Variants in ESS2 observed in about 807,000 individuals in gnomAD.
ESS2 encodes splicing factor ESS-2 homolog.
Under a neutral mutation model 52.0 loss-of-function variants are expected in ESS2, and 31 were observed. The observed-to-expected ratio is 0.60, with a 90% confidence interval of 0.45 to 0.81. The LOEUF (loss-of-function observed/expected upper bound fraction) is 0.81. Among genes scored for constraint, ESS2 ranks in the 30% least tolerant of loss-of-function variants. ESS2 has a pLI of 0.00. For missense variants in ESS2, 602 were observed against 637.2 expected, an observed-to-expected ratio of 0.94 and a Z score of 0.59; for synonymous variants, 285 against 259.2, an observed-to-expected ratio of 1.10 and a Z score of -0.95.
Position 19,144,642 on chromosome 22 carries a change from G to A in ESS2, c.-2C>T. ...CGCTGATGCGCCCGGCGTCTCCATC[G>A]CTATCCCAGGAAAAAGCTCGGGCCC... is the stretch of plus-strand genomic sequence containing the variant. On this transcript the variant is annotated 5_prime_UTR_variant, in exon 1 of 10. Coordinates refer to ENST00000252137, the MANE Select transcript of ESS2 (RefSeq NM_022719.3). 2 of 1,506,722 alleles carry A rather than the reference G, an allele frequency of 1.3e-6. No homozygotes were observed. The highest frequency in any genetic ancestry group is 1.2e-5 in the South Asian group (1 of 80,800). 93.3% of individuals were successfully genotyped at this position (1,506,722 alleles called of 1,614,324 possible).
At chr22:19,136,783 AC>A (rs775498242) in intron 8 of ESS2, among the ~76,000 whole-genome samples, 4 of 152,116 alleles carry the variant, frequency 2.6e-5, no homozygotes, top group African/African-American at 7.2e-5. Flanking sequence ...TTTTGTCTGG[AC>A]ATGGGTTACC....
At position 19,133,998 on chromosome 22, in the gene ESS2, A is replaced by G. The variant is rs1601340842; in HGVS notation, c.*198T>C. On this transcript the variant is annotated 3_prime_UTR_variant, in exon 10 of 10. Coordinates refer to ENST00000252137, the MANE Select transcript of ESS2 (RefSeq NM_022719.3). ...CCAATTAAACAGCAAACAGCTTGGC[A>G]AGGCCCTGGGGTGTGGTGTGGGCAC... 2 of 517,030 alleles carry G rather than the reference A, an allele frequency of 3.9e-6. No individual in the cohort carries two copies. Among genetic ancestry groups the G allele is most frequent in the Non-Finnish European group, 3.0e-6 (1 of 330,360 alleles). 32.0% of individuals were successfully genotyped at this position (517,030 alleles called of 1,614,324 possible). A position where few individuals can be genotyped will look rare whatever the true frequency, so the allele number is the denominator to read the frequency against.
At chr22:19,144,008 C>T (rs2083741171) in intron 1 of ESS2, 1 of 986,746 alleles carries the variant, frequency 1.0e-6, no homozygotes, top group African/African-American at 1.7e-5. Context: ...CATCCATCTA[C>T]ATATCCCAAA....
chr22:19,132,229 C>G lies in ESS2; in HGVS notation c.*1967G>C. The G allele has an allele frequency of 6.2e-7, 1 of 1,612,356 alleles. No homozygotes were observed. Among genetic ancestry groups the G allele is most frequent in the Admixed American group, 1.7e-5 (1 of 59,990 alleles). ...CACTCGTGGCTGCAGCCCCCCAAGC[C>G]CAAAGCCACGTCTTCTGCCTCCTTC... On this transcript the variant is annotated 3_prime_UTR_variant, in exon 10 of 10. Coordinates refer to ENST00000252137, the MANE Select transcript of ESS2 (RefSeq NM_022719.3). The surrounding 1 kb of genome is among the most constrained non-coding windows in gnomAD (Gnocchi z 4.2).
Position 19,132,694 on chromosome 22 carries a change from G to A in ESS2, c.*1502C>T. 1 of 578,144 alleles carries A rather than the reference G, an allele frequency of 1.7e-6. No individual in the cohort carries two copies. Among genetic ancestry groups the A allele is most frequent in the Non-Finnish European group, 3.1e-6 (1 of 326,340 alleles). The allele number at this position is 578,144 out of a possible 1,614,324, so 35.8% of individuals were successfully genotyped here. The stretch of plus-strand genomic sequence containing the variant: ...GACCACCAAATAAACCACAGGGTGT[G>A]TGCAAGCATCAAGAGTGCCCAGTGA... On this transcript the variant is annotated 3_prime_UTR_variant, in exon 10 of 10. Coordinates refer to ENST00000252137, the MANE Select transcript of ESS2 (RefSeq NM_022719.3). The surrounding 1 kb of genome is among the most constrained non-coding windows in gnomAD (Gnocchi z 4.2).
intron 1 of ESS2, among the ~76,000 whole-genome samples, chr22:19,143,572 C>T (rs745915518): frequency 6.6e-6 from 1 of 152,174 alleles, no homozygotes; most frequent in Non-Finnish European, 1.5e-5. Flanking sequence ...AACCTTTCTC[C>T]TGGCGGGGCA....
intron 3 of ESS2, among the ~76,000 whole-genome samples, chr22:19,140,669 G>A (rs2083670949): frequency 6.6e-6 from 1 of 152,228 alleles, no homozygotes; most frequent in South Asian, 2.1e-4. Flanking sequence ...GCTGCGTGTG[G>A]TGGTGCAAAC....
rs767355139 is a variant in ESS2 at position 19,142,543 on chromosome 22, T to G, written c.395A>C (p.Glu132Ala). ...AAGAGGGCACCCTCACTCACCATCC[T>G]CCAGGCCTCGGCCGCGGGGCCTGGG... ...NKPRPRGRGL[E>A]DGEAGEEEEK... The change falls in exon 3 of 10, where the codon GAG (glutamate) becomes GCG (alanine). Residue 132 changes from glutamate (E) to alanine (A), a missense_variant. Transcript: ENST00000252137. 1.2e-6 allele frequency: 2 copies of G among 1,603,464 alleles called. No individual in the cohort carries two copies. The highest frequency in any genetic ancestry group is 1.7e-6 in the Non-Finnish European group (2 of 1,175,942).
Position 19,142,524 on chromosome 22 carries a change from G to T in ESS2, c.400+14C>A. 6.3e-7 allele frequency: 1 copy of T among 1,585,758 alleles called. No homozygotes were observed. Among genetic ancestry groups the T allele is most frequent in the Non-Finnish European group, 8.6e-7 (1 of 1,168,442 alleles). On this transcript the variant is annotated intron_variant, in intron 3 of 9. Coordinates refer to ENST00000252137, the MANE Select transcript of ESS2 (RefSeq NM_022719.3). ...ATCCTGACCATGTGACTTAAAGAGG[G>T]CACCCTCACTCACCATCCTCCAGGC...
chr22:19,142,784 C>G lies in ESS2; in HGVS notation c.246G>C (p.Gln82His), dbSNP rs569930086. 1.9e-6 allele frequency: 3 copies of G among 1,614,066 alleles called. No individual in the cohort carries two copies. Among genetic ancestry groups the G allele is most frequent in the Admixed American group, 3.3e-5 (2 of 60,016 alleles). ...AGGCAGAGCCAAACTTGATGGCAAT[C>G]TGGCGCATCCGTTCCAAGTCTCCAT... ...EENGDLERMR[Q>H]IAIKFGSALG... is the part of the protein sequence containing the mutation. Residue 82 changes from glutamine to histidine, a missense_variant, in exon 2 of 10, where the codon CAG becomes CAC. Physicochemically the swap from Gln to His is conservative, Grantham distance 24. Transcript: ENST00000252137.
chr22:19,143,586 T>C (rs530941609), intron 1 of ESS2, among the ~76,000 whole-genome samples: 9 of 152,216 alleles, frequency 5.9e-5, no homozygotes, highest in Non-Finnish European at 1.0e-4. Flanking sequence ...CGGGGCATGG[T>C]AGCTCACGCC....
In ESS2 at chr22:19,140,033, G is replaced by T. The variant is rs763947983; in HGVS notation, c.401-9C>A. On this transcript the variant is annotated splice_polypyrimidine_tract_variant and intron_variant, in intron 3 of 9. Transcript: ENST00000252137. The stretch of plus-strand genomic sequence containing the variant: ...CTCCTCTCCAGCCTCTCCTGCTTAG[G>T]GGTTGCGGGAGGAGGAACACAGCAC... The T allele has an allele frequency of 6.2e-7, 1 of 1,613,040 alleles. No homozygotes were observed. The highest frequency in any genetic ancestry group is 8.5e-7 in the Non-Finnish European group (1 of 1,179,894).
intron 9 of ESS2, among the ~76,000 whole-genome samples, chr22:19,134,686 C>T (rs1272518812): frequency 5.3e-5 from 8 of 152,070 alleles, no homozygotes; most frequent in African/African-American, 1.4e-4. Context: ...ACAGCAGCAC[C>T]GCCCTTGGCT....
rs200418708 is a variant in ESS2, at chr22:19,142,743, C to T, written c.287G>A (p.Arg96Gln). 8.1e-6 allele frequency: 13 copies of T among 1,613,914 alleles called. No homozygotes were observed. Among genetic ancestry groups the T allele is most frequent in the East Asian group, 2.2e-5 (1 of 44,884 alleles). ...KFGSALGKMSREPPPPYVTPA... is the reference protein window; with the variant it reads ...KFGSALGKMSQEPPPPYVTPA... The stretch of plus-strand genomic sequence containing the variant: ...CCTCATACAGGGTGGCGGGGGCTCC[C>T]GGGACATCTTGCCCAAGGCAGAGCC... The change falls in exon 2 of 10, where the codon CGG (arginine) becomes CAG (glutamine). Residue 96 changes from arginine (R) to glutamine (Q), a missense_variant. Physicochemically the swap from Arg to Gln is conservative, Grantham distance 43. Transcript: ENST00000252137.
chr22:19,132,530 C>A lies in ESS2; in HGVS notation c.*1666G>T. On this transcript the variant is annotated 3_prime_UTR_variant, in exon 10 of 10. Transcript: ENST00000252137. The surrounding 1 kb of genome is among the most constrained non-coding windows in gnomAD (Gnocchi z 4.2). ...GGGGTCGGGGTTGGGGGGCATGGTG[C>A]AGTCGGCCTTCACGTAAACTAAGTA... 1 of 1,523,168 alleles carries A rather than the reference C, an allele frequency of 6.6e-7. No individual in the cohort carries two copies. The allele number at this position is 1,523,168 out of a possible 1,614,324, so 94.4% of individuals were successfully genotyped here.
intron 8 of ESS2, among the ~76,000 whole-genome samples, chr22:19,136,030 T>TTA (rs2083575424): frequency 1.3e-5 from 1 of 76,982 alleles, no homozygotes; most frequent in African/African-American, 4.4e-5. Flanking sequence ...ACCCTATCTG[T>TTA]TAAAAAAAAA....
chr22:19,134,597 G>A, intron 9 of ESS2, 122 bp from the exon 10 acceptor site: 1 of 1,099,590 alleles, frequency 9.1e-7, no homozygotes. Context: ...AGCTGAGGAG[G>A]ATGGTACTGC....
chr22:19,132,354 A>G lies in ESS2; in HGVS notation c.*1842T>C. 6.2e-7 allele frequency: 1 copy of G among 1,613,056 alleles called. No individual in the cohort carries two copies. The highest frequency in any genetic ancestry group is 8.5e-7 in the Non-Finnish European group (1 of 1,179,980). On this transcript the variant is annotated 3_prime_UTR_variant, in exon 10 of 10. Coordinates refer to ENST00000252137, the MANE Select transcript of ESS2 (RefSeq NM_022719.3). The surrounding 1 kb of genome is among the most constrained non-coding windows in gnomAD (Gnocchi z 4.2). Reference sequence around the variant, plus strand: ...GCCCGACCACAAGCTTGGAGCCAAAACCCAGCACCGGCTGCTGGTGGTGCC... The same window carrying G: ...GCCCGACCACAAGCTTGGAGCCAAAGCCCAGCACCGGCTGCTGGTGGTGCC...
At position 19,139,708 on chromosome 22, in the gene ESS2, GTTCGAGA is replaced by G. The variant is rs1393002388; in HGVS notation, c.585_591del (p.Leu196SerfsTer63). On this transcript the variant is annotated frameshift_variant, in exon 5 of 10. Coordinates refer to ENST00000252137, the MANE Select transcript of ESS2 (RefSeq NM_022719.3). LOFTEE classifies it high-confidence loss of function. ...ATGGCCTGGTGCTCTGCTGACGGGAGTTCGAGATTATCTTTCTGCCTCTGCAATCACA... is the reference window on the plus strand; with the variant it reads ...ATGGCCTGGTGCTCTGCTGACGGGAGTTATCTTTCTGCCTCTGCAATCACA... 5.6e-6 allele frequency: 9 copies of G among 1,614,222 alleles called. No homozygotes were observed. Among genetic ancestry groups the G allele is most frequent in the Non-Finnish European group, 6.8e-6 (8 of 1,180,020 alleles).
Sources: gnomAD v4.1 joint callset for allele counts (sites outside exome capture counted in the v4.1 genomes callset) on GRCh38, gnomAD v4.1.1 for gene constraint, Gnocchi (gnomAD v3.1) non-coding constraint, MANE v1.5 for transcripts, NCBI Gene and HGNC (gene_info 2026-07-23, HGNC 2026-07-21) for gene names.